Variants in MEOX1 observed in about 807,000 individuals in gnomAD.
MEOX1 encodes homeobox protein MOX-1.
A neutral mutation model predicts 23.2 loss-of-function variants in MEOX1; 17 were observed. That is an observed-to-expected ratio of 0.73 (90% CI 0.50 to 1.10). MEOX1 has a LOEUF of 1.10. Among genes scored for constraint, MEOX1 ranks in the 50% least tolerant of loss-of-function variants. The pLI, the probability that MEOX1 is intolerant of heterozygous loss-of-function variation, is 0.00. For synonymous variants in MEOX1, 134 were observed against 135.1 expected (o/e 0.99, Z 0.06); for missense variants, 333 against 332.2 (o/e 1.00, Z -0.02).
rs917143465 is a variant in MEOX1 at position 43,642,128 on chromosome 17, C to T, written c.643-96G>A. 8.8e-6 allele frequency: 12 copies of T among 1,370,164 alleles called. No homozygotes were observed. In the African/African-American group the frequency reaches 1.7e-4, roughly 20 times the overall value. The allele number at this position is 1,370,164 out of a possible 1,614,324, so 84.9% of individuals were successfully genotyped here. Reference sequence around the variant, plus strand: ...GCTAGCCAGGGTGTAACTCCAGGGACCCCAGCTTGAAACCATCACTTACCA... The same window carrying T: ...GCTAGCCAGGGTGTAACTCCAGGGATCCCAGCTTGAAACCATCACTTACCA... On this transcript the variant is annotated intron_variant, in intron 2 of 2. Coordinates refer to ENST00000318579, the MANE Select transcript of MEOX1 (RefSeq NM_004527.4).
In MEOX1 at chr17:43,661,356, G is replaced by A. The variant is rs778893797; in HGVS notation, c.179C>T (p.Pro60Leu). 1.2e-6 allele frequency: 2 copies of A among 1,613,984 alleles called. No homozygotes were observed. Among genetic ancestry groups the A allele is most frequent in the South Asian group, 1.1e-5 (1 of 91,064 alleles). The change falls in exon 1 of 3, where the codon CCT becomes CTT. Residue 60 changes from proline to leucine, a missense_variant. Pro to Leu is a moderately conservative substitution (Grantham distance 98). Transcript: ENST00000318579. ...DFLATATAAY[P>L]DFSASCLAAT... is the part of the protein sequence containing the mutation. Reference sequence around the variant, plus strand: ...TGCCAGGCAGGAGGCTGAGAAGTCAGGGTACGCTGCCGTCGCTGTCGCCAG... The same window carrying A: ...TGCCAGGCAGGAGGCTGAGAAGTCAAGGTACGCTGCCGTCGCTGTCGCCAG...
intron 1 of MEOX1, among the ~76,000 whole-genome samples, chr17:43,657,126 C>T (rs1247720142): frequency 1.4e-5 from 2 of 138,382 alleles, no homozygotes; most frequent in Non-Finnish European, 3.1e-5. Flanking sequence ...TGTCTCCTTC[C>T]TTCCTTCCTT....
intron 1 of MEOX1, among the ~76,000 whole-genome samples, chr17:43,657,051 T>TTTCTTTCTTTC (rs769043105): frequency 6.4e-5 from 9 of 140,410 alleles, no homozygotes; most frequent in Admixed American, 2.2e-4. Context: ...TCTTTCTTTC[T>TTTCTTTCTTTC]TTCTTTCCTT....
At chr17:43,644,992 G>A (rs1201557154) in intron 1 of MEOX1, among the ~76,000 whole-genome samples, 2 of 152,110 alleles carry the variant, frequency 1.3e-5, no homozygotes, top group Non-Finnish European at 2.9e-5. Context: ...TATCTCTTGA[G>A]CAGACGGGTG....
chr17:43,655,304 C>A (rs922887434), intron 1 of MEOX1, among the ~76,000 whole-genome samples: 2 of 151,702 alleles, frequency 1.3e-5, no homozygotes, highest in Non-Finnish European at 2.9e-5. Flanking sequence ...AACCCCGTCT[C>A]TATTAAAAAT....
Position 43,661,308 on chromosome 17 carries a change from T to A in MEOX1, c.227A>T (p.Gln76Leu), listed in dbSNP as rs770877882. 18 of 1,610,702 alleles carry A rather than the reference T, an allele frequency of 1.1e-5. No homozygotes were observed. Among genetic ancestry groups the A allele is most frequent in the Non-Finnish European group, 1.4e-5 (17 of 1,178,272 alleles). The change falls in exon 1 of 3, where the codon CAG becomes CTG. Residue 76 changes from glutamine to leucine, a missense_variant. By Grantham distance (113) the Gln-to-Leu change is moderately radical. Transcript: ENST00000318579. ...CTGCTCAGTGAAGATGTGCTCCTCCTGGGGCAGGCTGTGTGGGGTGGCTGC... is the reference window on the plus strand; with the variant it reads ...CTGCTCAGTGAAGATGTGCTCCTCCAGGGGCAGGCTGTGTGGGGTGGCTGC... ...CLAATPHSLP[Q>L]EEHIFTEQHP...
At chr17:43,646,964 G>A (rs1260917084) in intron 1 of MEOX1, among the ~76,000 whole-genome samples, 2 of 152,200 alleles carry the variant, frequency 1.3e-5, no homozygotes, top group Non-Finnish European at 2.9e-5. Context: ...TCCAGCCTGG[G>A]CAACGAGAGC....
chr17:43,659,090 G>A (rs891083262), intron 1 of MEOX1, among the ~76,000 whole-genome samples: 3 of 152,262 alleles, frequency 2.0e-5, no homozygotes, highest in African/African-American at 4.8e-5. Context: ...CAAAAAGAGA[G>A]CTGGTGCATT....
At chr17:43,644,255 C>T (rs1972761121) in intron 1 of MEOX1, among the ~76,000 whole-genome samples, 1 of 152,218 alleles carries the variant, frequency 6.6e-6, no homozygotes, top group African/African-American at 2.4e-5. Flanking sequence ...ATCAGTAGCA[C>T]CAGGGAGCTG....
chr17:43,650,695 G>C (rs1297178343), intron 1 of MEOX1, among the ~76,000 whole-genome samples: 1 of 152,230 alleles, frequency 6.6e-6, no homozygotes, highest in African/African-American at 2.4e-5. Context: ...AACGGTGTCT[G>C]TGGCTTCCTG....
At chr17:43,659,078 G>A (rs540813421) in intron 1 of MEOX1, among the ~76,000 whole-genome samples, 1 of 152,322 alleles carries the variant, frequency 6.6e-6, no homozygotes, top group South Asian at 2.1e-4. Context: ...TCGGCCACTC[G>A]CCAAAAAGAG....
At chr17:43,661,040 T>C (rs754690487) in intron 1 of MEOX1, 26 bp downstream of exon 1, 1 of 1,421,208 alleles carries the variant, frequency 7.0e-7, no homozygotes. Flanking sequence ...AGTAAAGGAA[T>C]GATCAGCTGC....
At chr17:43,651,651 G>A (rs1972918537) in intron 1 of MEOX1, among the ~76,000 whole-genome samples, 1 of 152,228 alleles carries the variant, frequency 6.6e-6, no homozygotes, top group Non-Finnish European at 1.5e-5. Context: ...AGGGAGTTGG[G>A]GAAAAGGGCC....
At chr17:43,648,916 C>A (rs765209515) in intron 1 of MEOX1, among the ~76,000 whole-genome samples, 2 of 152,144 alleles carry the variant, frequency 1.3e-5, no homozygotes, top group African/African-American at 4.8e-5. Flanking sequence ...TATATGCAGA[C>A]GTGTCGGAGG....
At chr17:43,648,238 G>A (rs1206298632) in intron 1 of MEOX1, among the ~76,000 whole-genome samples, 1 of 152,170 alleles carries the variant, frequency 6.6e-6, no homozygotes, top group Non-Finnish European at 1.5e-5. Flanking sequence ...GGGAGGCCGA[G>A]GCGGGCGGAT....
intron 1 of MEOX1, among the ~76,000 whole-genome samples, chr17:43,655,069 A>C (rs1972990438): frequency 6.6e-6 from 1 of 151,312 alleles, no homozygotes; most frequent in South Asian, 2.1e-4. Flanking sequence ...AAAAAGAAAA[A>C]GAAAATACAC....
In MEOX1 at chr17:43,640,901, C is replaced by T. The variant is rs1440512272; in HGVS notation, c.*1009G>A. On this transcript the variant is annotated 3_prime_UTR_variant, in exon 3 of 3. Coordinates refer to ENST00000318579, the MANE Select transcript of MEOX1 (RefSeq NM_004527.4). ...TCACAGGACACTGTCACTGGAGAAC[C>T]TTCCACTCCAGGGTTCCACATCTCC... 1.3e-5 allele frequency: 2 copies of T among 152,186 alleles called. No homozygotes were observed. The highest frequency in any genetic ancestry group is 4.8e-5 in the African/African-American group (2 of 41,416). 9.4% of individuals were successfully genotyped at this position (152,186 alleles called of 1,614,324 possible).
At chr17:43,643,966 C>T (rs1972754630) in intron 1 of MEOX1, among the ~76,000 whole-genome samples, 1 of 148,312 alleles carries the variant, frequency 6.7e-6, no homozygotes, top group African/African-American at 2.5e-5. Context: ...ACTCCCCAGC[C>T]CACCCCCCAG....
chr17:43,661,039 A>C (rs1341611256), intron 1 of MEOX1, 27 bp downstream of exon 1: 1 of 1,418,180 alleles, frequency 7.1e-7, no homozygotes, highest in East Asian at 2.4e-5. Context: ...CAGTAAAGGA[A>C]TGATCAGCTG....
Sources: allele counts gnomAD v4.1 joint callset (sites outside exome capture counted in the v4.1 genomes callset), GRCh38; gene constraint gnomAD v4.1.1; transcripts MANE v1.5; gene names NCBI Gene and HGNC (gene_info 2026-07-23, HGNC 2026-07-21).